Variants in BTAF1 observed in about 807,000 individuals in gnomAD.
The protein encoded by BTAF1 is B-TFIID TATA-box binding protein associated factor 1.
Under a neutral mutation model 227.1 loss-of-function variants are expected in BTAF1, and 38 were observed. The ratio of observed to expected loss-of-function variants is 0.17; its 90% CI spans 0.13 to 0.22. The LOEUF is 0.22. BTAF1 is among the 10% of genes least tolerant of loss of function. The pLI is 1.00. For synonymous variants in BTAF1, 742 were observed against 751.9 expected (o/e 0.99, Z 0.21); for missense variants, 1,598 against 2,204.0 (o/e 0.73, Z 5.51).
Position 91,993,841 on chromosome 10 carries a change from A to G in BTAF1, c.3193A>G (p.Asn1065Asp). The change falls in exon 22 of 38, where the codon AAT becomes GAT. Residue 1065 changes from asparagine to aspartate, a missense_variant. By Grantham distance (23) the Asn-to-Asp change is conservative (BLOSUM62 1). This residue lies in a region of BTAF1 where 425 missense variants were observed against 491.2 expected (regional missense o/e 0.87). Coordinates refer to ENST00000265990, the MANE Select transcript of BTAF1 (RefSeq NM_003972.3). ...GPLRNTIDIN[N>D]FDGKSLLDKG... Reference sequence around the variant, plus strand: ...ATTGAGGAATACAATCGACATAAATAATTTTGGTATACACATATTTTTATG... The same window carrying G: ...ATTGAGGAATACAATCGACATAAATGATTTTGGTATACACATATTTTTATG... The G allele has an allele frequency of 6.3e-7, 1 of 1,591,564 alleles. No individual in the cohort carries two copies. The highest frequency in any genetic ancestry group is 1.2e-5 in the South Asian group (1 of 86,244).
intron 34 of BTAF1, 24 bp from the exon 35 acceptor site, chr10:92,024,732 G>GTGTTTTTGT: frequency 7.9e-7 from 1 of 1,267,284 alleles, no homozygotes; most frequent in Non-Finnish European, 1.1e-6. Context: ...CGCTTATGTA[G>GTGTTTTTGT]TTTTTTTTTT....
intron 26 of BTAF1, 62 bp from the exon 27 acceptor site, chr10:92,008,765 AAT>A: frequency 7.0e-7 from 1 of 1,423,154 alleles, no homozygotes; most frequent in Non-Finnish European, 9.4e-7. Flanking sequence ...TTTATAAGAA[AAT>A]GTTTTTATAA....
intron 34 of BTAF1, among the ~76,000 whole-genome samples, chr10:92,021,737 G>A (rs1851144644): frequency 6.6e-6 from 1 of 151,804 alleles, no homozygotes; most frequent in African/African-American, 2.4e-5. Context: ...GTAGAGACAG[G>A]GTTTCACCGT....
Position 91,989,421 on chromosome 10 carries a change from C to G in BTAF1, c.2695C>G (p.Gln899Glu). The stretch of plus-strand genomic sequence containing the variant: ...TACACTAGTGCAAAACTATGCAGCT[C>G]AGTGCATAGCTAAACTCCTTCAGCA... ...ENTLVQNYAA[Q>E]CIAKLLQQCT... The change falls in exon 20 of 38, where the codon CAG becomes GAG. Residue 899 changes from glutamine to glutamate, a missense_variant. Coordinates refer to ENST00000265990, the MANE Select transcript of BTAF1 (RefSeq NM_003972.3). The G allele has an allele frequency of 6.2e-7, 1 of 1,614,184 alleles. No individual in the cohort carries two copies. Among genetic ancestry groups the G allele is most frequent in the Non-Finnish European group, 8.5e-7 (1 of 1,180,032 alleles).
chr10:92,029,295 T>TTTTTC lies in BTAF1; in HGVS notation c.*367_*371dup, dbSNP rs1485211963. 1.3e-5 allele frequency: 2 copies of TTTTTC among 156,474 alleles called. No homozygotes were observed. Among genetic ancestry groups the TTTTTC allele is most frequent in the African/African-American group, 4.8e-5 (2 of 41,592 alleles). The allele number at this position is 156,474 out of a possible 1,614,324, so 9.7% of individuals were successfully genotyped here. On this transcript the variant is annotated 3_prime_UTR_variant, in exon 38 of 38. Coordinates refer to ENST00000265990, the MANE Select transcript of BTAF1 (RefSeq NM_003972.3). ...TGAGTACTTTAGTGTTTGTATATGT[T>TTTTTC]TTTTCTTTTAAATAGAACTTGTTTT...
intron 25 of BTAF1, among the ~76,000 whole-genome samples, chr10:92,001,309 G>T (rs1327017504): frequency 6.6e-6 from 1 of 152,188 alleles, no homozygotes; most frequent in South Asian, 2.1e-4. Context: ...CCACAGGGGG[G>T]TTCTCCCAAG....
chr10:91,969,778 A>G (rs1281168410), intron 14 of BTAF1, among the ~76,000 whole-genome samples: 1 of 152,122 alleles, frequency 6.6e-6, no homozygotes, highest in African/African-American at 2.4e-5. Context: ...AACGTGGGCA[A>G]CATGGTGAAA....
At chr10:91,999,457 C>T (rs774148140) in intron 25 of BTAF1, among the ~76,000 whole-genome samples, 7 of 152,040 alleles carry the variant, frequency 4.6e-5, no homozygotes, top group South Asian at 2.1e-4. Context: ...TGCAATGGCG[C>T]GACCTCAGCT....
chr10:91,942,011 C>A (rs985745567), intron 3 of BTAF1, among the ~76,000 whole-genome samples: 1 of 152,154 alleles, frequency 6.6e-6, no homozygotes, highest in Admixed American at 6.5e-5. Flanking sequence ...CAGTGGCTTA[C>A]GCCTGTAAAT....
chr10:91,924,137 G>T (rs1174847118), intron 1 of BTAF1, 47 bp downstream of exon 1: 1 of 1,599,186 alleles, frequency 6.3e-7, no homozygotes, highest in Non-Finnish European at 8.5e-7. Context: ...TTCAGGGAAG[G>T]CATGGTCTCC....
intron 14 of BTAF1, among the ~76,000 whole-genome samples, chr10:91,975,395 G>A (rs1847612725): frequency 6.6e-6 from 1 of 152,076 alleles, no homozygotes; most frequent in Non-Finnish European, 1.5e-5. Flanking sequence ...AGCATATTTG[G>A]GTATTGCCAG....
chr10:91,962,446 T>C, intron 11 of BTAF1, 92 bp from the exon 12 acceptor site: 1 of 865,750 alleles, frequency 1.2e-6, no homozygotes. Flanking sequence ...TATTGGAATT[T>C]AGCTGTCATG....
At chr10:91,966,561 A>G in intron 13 of BTAF1, 76 bp from the exon 14 acceptor site, 3 of 1,494,862 alleles carry the variant, frequency 2.0e-6, no homozygotes, top group South Asian at 2.4e-5. Flanking sequence ...ACTAGATCCC[A>G]TGAGAATATT....
At chr10:91,926,522 T>C (rs1341977527) in intron 1 of BTAF1, among the ~76,000 whole-genome samples, 1 of 152,214 alleles carries the variant, frequency 6.6e-6, no homozygotes, top group African/African-American at 2.4e-5. Flanking sequence ...ATCATTTTTC[T>C]TTCTATACCA....
chr10:92,025,355 C>T (rs1028992031), intron 35 of BTAF1, among the ~76,000 whole-genome samples: 4 of 151,914 alleles, frequency 2.6e-5, no homozygotes, highest in African/African-American at 4.8e-5. Flanking sequence ...TGGAATCTGG[C>T]CCAGCTAGGA....
chr10:92,009,844 CTG>C (rs1850176741), intron 28 of BTAF1, among the ~76,000 whole-genome samples: 1 of 152,130 alleles, frequency 6.6e-6, no homozygotes, highest in African/African-American at 2.4e-5. Flanking sequence ...ATGTTCCTAA[CTG>C]TAAATTTTTT....
intron 34 of BTAF1, among the ~76,000 whole-genome samples, chr10:92,019,460 C>T (rs1214050936): frequency 6.6e-6 from 1 of 152,208 alleles, no homozygotes; most frequent in East Asian, 1.9e-4. Flanking sequence ...AATAATGCTG[C>T]AGTGAACATT....
intron 20 of BTAF1, among the ~76,000 whole-genome samples, chr10:91,990,298 A>G (rs994323744): frequency 4.4e-4 from 67 of 152,316 alleles, no homozygotes; most frequent in African/African-American, 1.6e-3. Context: ...AAAGGTGGAC[A>G]TTTTGAATAT....
chr10:91,942,313 TG>T, intron 3 of BTAF1, 108 bp from the exon 4 acceptor site: 1 of 827,670 alleles, frequency 1.2e-6, no homozygotes. Context: ...TGTGTGTGTG[TG>T]TGTGTGTGTG....
Sources: gnomAD v4.1 joint callset for allele counts (sites outside exome capture counted in the v4.1 genomes callset) on GRCh38, gnomAD v4.1.1 for gene constraint, gnomAD v4.1.1 regional missense constraint, MANE v1.5 for transcripts, NCBI Gene and HGNC (gene_info 2026-07-23, HGNC 2026-07-21) for gene names.